Variants in ZNF469 observed in about 807,000 individuals in gnomAD.
The protein encoded by ZNF469 is zinc finger protein 469.
A neutral mutation model predicts 1.0 loss-of-function variants in ZNF469; 1 was observed. That is an observed-to-expected ratio of 1.00 (90% confidence interval 0.35 to 4.73). ZNF469 has a LOEUF of 4.73. ZNF469 is among the 30% of genes most tolerant of loss of function. The pLI is 0.16. For missense variants in ZNF469, 6,100 were observed against 5,356.3 expected, an observed-to-expected ratio of 1.14 and a Z score of -4.33; for synonymous variants, 2,703 against 2,363.4, an observed-to-expected ratio of 1.14 and a Z score of -4.17.
chr16:88,161,117 C>T, the ZNF469 span, among the ~76,000 whole-genome samples: 3 of 150,978 alleles, frequency 2.0e-5, no homozygotes, highest in African/African-American at 4.9e-5. Context: ...GCCGAGATCG[C>T]GCCATTGCAC....
At chr16:88,232,328 C>T in the ZNF469 span, among the ~76,000 whole-genome samples, 2 of 152,266 alleles carry the variant, frequency 1.3e-5, no homozygotes, top group African/African-American at 4.8e-5. Flanking sequence ...AAACCTCCCC[C>T]ACCCAATACG....
At chr16:88,124,951 A>C in the ZNF469 span, among the ~76,000 whole-genome samples, 1 of 152,268 alleles carries the variant, frequency 6.6e-6, no homozygotes, top group Non-Finnish European at 1.5e-5. Context: ...CTATCCAAAA[A>C]AATTTGTCTA....
chr16:88,116,367 C>CCGCAGTGT, the ZNF469 span, among the ~76,000 whole-genome samples: 1 of 152,152 alleles, frequency 6.6e-6, no homozygotes, highest in African/African-American at 2.4e-5. Flanking sequence ...TGCCGCAATG[C>CCGCAGTGT]CGCAGTGTAG....
chr16:88,346,945 G>C, the ZNF469 span, among the ~76,000 whole-genome samples: 2 of 152,238 alleles, frequency 1.3e-5, no homozygotes, highest in South Asian at 2.1e-4. Flanking sequence ...GGCCACCCTC[G>C]GGAGAAGGCC....
the ZNF469 span, among the ~76,000 whole-genome samples, chr16:88,245,051 T>C: frequency 6.6e-6 from 1 of 151,932 alleles, no homozygotes; most frequent in Admixed American, 6.5e-5. Flanking sequence ...GACACACCCG[T>C]AGGGCAAAGG....
At chr16:88,380,482 C>CACA (rs1491539190), upstream of ZNF469, among the ~76,000 whole-genome samples, 2,455 of 136,640 alleles carry the variant, frequency 0.018, 99 homozygotes, top group Non-Finnish European at 0.029. Flanking sequence ...CTCACACATA[C>CACA]GTGCACACAC....
chr16:88,305,310 GCACA>G, the ZNF469 span, among the ~76,000 whole-genome samples: 6 of 133,734 alleles, frequency 4.5e-5, no homozygotes, highest in South Asian at 2.4e-4. Context: ...ACCCTCACAT[GCACA>G]CACACACAGG....
chr16:88,114,290 A>C, the ZNF469 span, among the ~76,000 whole-genome samples: 1 of 116,500 alleles, frequency 8.6e-6, no homozygotes. Flanking sequence ...GACCACATTC[A>C]CTCACTGCGG....
At chr16:88,104,011 G>A in the ZNF469 span, among the ~76,000 whole-genome samples, 9 of 152,230 alleles carry the variant, frequency 5.9e-5, no homozygotes, top group East Asian at 1.7e-3. Context: ...GCTGTTTGAG[G>A]AACGGGGGTT....
At chr16:88,328,041 A>C in the ZNF469 span, among the ~76,000 whole-genome samples, 1 of 152,124 alleles carries the variant, frequency 6.6e-6, no homozygotes, top group Non-Finnish European at 1.5e-5. Context: ...CCCGGCACAC[A>C]CGGCGACTCC....
the ZNF469 span, among the ~76,000 whole-genome samples, chr16:88,327,461 G>A: frequency 6.6e-6 from 1 of 152,224 alleles, no homozygotes; most frequent in African/African-American, 2.4e-5. Flanking sequence ...CAGGGCGTAA[G>A]CATGGTGTGG....
Position 88,431,556 on chromosome 16 carries a change from C to A in ZNF469, c.4086C>A (p.Asp1362Glu), listed in dbSNP as rs1028130154. 1.2e-5 allele frequency: 18 copies of A among 1,550,462 alleles called. No homozygotes were observed. Among genetic ancestry groups the A allele is most frequent in the Non-Finnish European group, 1.5e-5 (17 of 1,146,998 alleles). Residue 1362 changes from aspartate to glutamate, a missense_variant, in exon 3 of 3, where the codon GAC becomes GAA. By Grantham distance (45) the Asp-to-Glu change is conservative. Coordinates refer to ENST00000565624, the MANE Select transcript of ZNF469 (RefSeq NM_001367624.2). ...FGCDPAGFNR[D>E]PLGVPVAKKG... is the part of the protein sequence containing the mutation. ...GTGACCCTGCTGGTTTTAACAGAGA[C>A]CCCTTGGGGGTTCCAGTTGCCAAAA...
chr16:88,381,125 C>G (rs1377744555), upstream of ZNF469, among the ~76,000 whole-genome samples: 2 of 149,148 alleles, frequency 1.3e-5, no homozygotes, highest in African/African-American at 5.0e-5. Context: ...CACACGCACA[C>G]ACAGACATGC....
the ZNF469 span, among the ~76,000 whole-genome samples, chr16:88,231,352 C>G: frequency 6.6e-6 from 1 of 152,198 alleles, no homozygotes; most frequent in African/African-American, 2.4e-5. This position sits in a 1 kb window ranked among gnomAD's most constrained non-coding sequence, Gnocchi z 4.5. Flanking sequence ...AGAGAAGCCC[C>G]ATCGCCCTAA....
the ZNF469 span, among the ~76,000 whole-genome samples, chr16:88,123,319 G>A: frequency 2.6e-5 from 4 of 152,198 alleles, no homozygotes; most frequent in Non-Finnish European, 4.4e-5. Flanking sequence ...TATCCATGCA[G>A]TGTTGCCTCT....
the ZNF469 span, among the ~76,000 whole-genome samples, chr16:88,353,915 C>T: frequency 6.6e-6 from 1 of 152,158 alleles, no homozygotes; most frequent in East Asian, 1.9e-4. Context: ...GGCCTCTAGG[C>T]AGCGGGAAGG....
the ZNF469 span, among the ~76,000 whole-genome samples, chr16:88,353,177 G>A: frequency 3.9e-5 from 6 of 152,046 alleles, no homozygotes; most frequent in Non-Finnish European, 7.4e-5. Flanking sequence ...GTGCACCTCC[G>A]AGGCCGTAAG....
At chr16:88,330,454 C>T in the ZNF469 span, among the ~76,000 whole-genome samples, 5 of 152,266 alleles carry the variant, frequency 3.3e-5, no homozygotes, top group Non-Finnish European at 5.9e-5. Flanking sequence ...TGCTTCTCCA[C>T]ACCGTCCTTA....
chr16:88,105,303 CTTTTTT>C, the ZNF469 span, among the ~76,000 whole-genome samples: 12 of 129,944 alleles, frequency 9.2e-5, no homozygotes, highest in Admixed American at 7.8e-5. Context: ...TTCTTTCTTT[CTTTTTT>C]TTTTTTTTTT....
Sources: gnomAD v4.1 joint callset for allele counts (sites outside exome capture counted in the v4.1 genomes callset) on GRCh38, gnomAD v4.1.1 for gene constraint, Gnocchi (gnomAD v3.1) non-coding constraint, MANE v1.5 for transcripts, NCBI Gene and HGNC (gene_info 2026-07-23, HGNC 2026-07-21) for gene names.